Variants in IRAK4 observed in about 807,000 individuals in gnomAD.
The protein encoded by IRAK4 is interleukin 1 receptor associated kinase 4.
Under a neutral mutation model 51.8 loss-of-function variants are expected in IRAK4, and 44 were observed. The ratio of observed to expected loss-of-function variants is 0.85; its 90% CI spans 0.67 to 1.09. The LOEUF (loss-of-function observed/expected upper bound fraction) is 1.09, where lower values mean the gene tolerates loss of function less well. Ranked by LOEUF, IRAK4 falls within the 50% of genes least tolerant of loss-of-function variation. The pLI, the probability that IRAK4 is intolerant of heterozygous loss-of-function variation, is 0.00. For synonymous variants in IRAK4, 149 were observed against 174.1 expected, an observed-to-expected ratio of 0.86 and a Z score of 1.13; for missense variants, 487 against 538.0, an observed-to-expected ratio of 0.91 and a Z score of 0.94.
chr12:43,773,623 G>T (rs1017124165), intron 5 of IRAK4, among the ~76,000 whole-genome samples: 1 of 151,940 alleles, frequency 6.6e-6, no homozygotes, highest in African/African-American at 2.4e-5. Flanking sequence ...CATATATGTT[G>T]CAGGGCTTTT....
chr12:43,781,092 G>A (rs1941740819), intron 8 of IRAK4, among the ~76,000 whole-genome samples: 1 of 152,086 alleles, frequency 6.6e-6, no homozygotes, highest in African/African-American at 2.4e-5. Context: ...TTTCCTTTCT[G>A]ATCCAGTGAA....
chr12:43,776,680 G>T (rs1182931588), intron 6 of IRAK4, among the ~76,000 whole-genome samples: 1 of 152,246 alleles, frequency 6.6e-6, no homozygotes, highest in African/African-American at 2.4e-5. Context: ...TTAACTTGCG[G>T]TAGGTCACAT....
chr12:43,773,553 TTAG>T (rs1462275471), intron 5 of IRAK4, among the ~76,000 whole-genome samples: 1 of 152,202 alleles, frequency 6.6e-6, no homozygotes. Flanking sequence ...AAATCTTTTG[TTAG>T]AGCCTAAAAA....
chr12:43,763,880 C>A (rs561595918), intron 1 of IRAK4, among the ~76,000 whole-genome samples: 3 of 152,316 alleles, frequency 2.0e-5, no homozygotes, highest in African/African-American at 7.2e-5. Context: ...TTTGACCTCT[C>A]TGAGTCTTTT....
Position 43,771,216 on chromosome 12 carries a change from T to G in IRAK4, c.162-4T>G, listed in dbSNP as rs1485364659. The G allele has an allele frequency of 7.4e-6, 12 of 1,613,006 alleles. No homozygotes were observed. Among genetic ancestry groups the G allele is most frequent in the Non-Finnish European group, 1.0e-5 (12 of 1,179,228 alleles). On this transcript the variant is annotated splice_region_variant and splice_polypyrimidine_tract_variant and intron_variant, in intron 2 of 11. Coordinates refer to ENST00000613694, the MANE Select transcript of IRAK4 (RefSeq NM_016123.4). ...ATTTTGTTTCTTTGTTACTTACTTT[T>G]AAGGAGATTTGAAGCATTACTTCAA...
At chr12:43,775,984 C>T (rs1451089874) in intron 6 of IRAK4, among the ~76,000 whole-genome samples, 2 of 149,906 alleles carry the variant, frequency 1.3e-5, no homozygotes, top group Non-Finnish European at 3.0e-5. Context: ...CAGGTTCACG[C>T]CATTCTCCCG....
chr12:43,764,879 C>G (rs1664835924), intron 1 of IRAK4, among the ~76,000 whole-genome samples: 1 of 152,166 alleles, frequency 6.6e-6, no homozygotes, highest in Non-Finnish European at 1.5e-5. Context: ...GCAGATGTTA[C>G]CATTCTTTTT....
At chr12:43,782,168 C>G (rs1157478310) in intron 8 of IRAK4, 139 bp from the exon 9 acceptor site, 11 of 650,472 alleles carry the variant, frequency 1.7e-5, no homozygotes, top group African/African-American at 3.6e-5. Flanking sequence ...AAACGTTACA[C>G]TCTGTAAATA....
rs1213364437 is a variant in IRAK4 at position 43,787,181 on chromosome 12, C to G, written c.*466C>G. 6.4e-6 allele frequency: 1 copy of G among 156,758 alleles called. No homozygotes were observed. The highest frequency in any genetic ancestry group is 1.4e-5 in the Non-Finnish European group (1 of 71,078). The allele number at this position is 156,758 out of a possible 1,614,324, so 9.7% of individuals were successfully genotyped here. The stretch of plus-strand genomic sequence containing the variant: ...AAAATCAAATGATGCAAAATATATA[C>G]AAGCACTTTGTAAATTGTAAAATGA... On this transcript the variant is annotated 3_prime_UTR_variant, in exon 12 of 12. Transcript: ENST00000613694.
intron 5 of IRAK4, 80 bp from the exon 6 acceptor site, chr12:43,773,885 G>C: frequency 2.3e-6 from 2 of 856,306 alleles, no homozygotes; most frequent in Non-Finnish European, 3.9e-6. Context: ...AGGGAGATGA[G>C]CCAGCTGATC....
chr12:43,760,356 T>C (rs1366373591), intron 1 of IRAK4, among the ~76,000 whole-genome samples: 1 of 152,208 alleles, frequency 6.6e-6, no homozygotes, highest in African/African-American at 2.4e-5. Flanking sequence ...CTTTCTTGCT[T>C]CTCTGTCCTT....
At chr12:43,760,531 T>C (rs1388735488) in intron 1 of IRAK4, among the ~76,000 whole-genome samples, 3 of 152,250 alleles carry the variant, frequency 2.0e-5, no homozygotes, top group Non-Finnish European at 4.4e-5. Context: ...TTTACCTTTC[T>C]GACCTCATCT....
rs574694167 is a variant in IRAK4, at chr12:43,762,247, A to G, written c.-10+3231A>G. ...TTTGAACTTCTGGGCACATGTGTGGAGGAGTTGCAGAAGGCCTTCTTTTTC... is the reference window on the plus strand; with the variant it reads ...TTTGAACTTCTGGGCACATGTGTGGGGGAGTTGCAGAAGGCCTTCTTTTTC... On this transcript the variant is annotated intron_variant, in intron 1 of 11. Coordinates refer to ENST00000613694, the MANE Select transcript of IRAK4 (RefSeq NM_016123.4). Among the ~76,000 whole-genome samples the G allele has an allele frequency of 4.6e-5, 7 of 152,278 alleles. No individual in the cohort carries two copies. The East Asian group carries it at 1.4e-3, about 29-fold the overall frequency.
chr12:43,769,148 T>G (rs2137910681), intron 2 of IRAK4, among the ~76,000 whole-genome samples: 1 of 152,298 alleles, frequency 6.6e-6, no homozygotes, highest in East Asian at 1.9e-4. Flanking sequence ...CTTCTCTTTT[T>G]TTTTTCTTTT....
chr12:43,771,729 A>G (rs1392815841), intron 3 of IRAK4, among the ~76,000 whole-genome samples: 2 of 152,196 alleles, frequency 1.3e-5, no homozygotes, highest in Non-Finnish European at 2.9e-5. Context: ...ATTTTAAAAA[A>G]TTGTATTCTG....
chr12:43,786,694 G>A lies in IRAK4; in HGVS notation c.1362G>A (p.Leu454=). The stretch of plus-strand genomic sequence containing the variant: ...CTTTTTAAAAGGTTCAACAGCTGCT[G>A]CAAGAGATGACAGCTTCTTAAAACT... The part of the protein sequence containing the change: ...RPDIKKVQQL[L]QEMTAS Residue 454 remains leucine, a synonymous_variant, in exon 12 of 12, where the codon CTG becomes CTA. Coordinates refer to ENST00000613694, the MANE Select transcript of IRAK4 (RefSeq NM_016123.4). The A allele has an allele frequency of 6.2e-7, 1 of 1,613,586 alleles. No homozygotes were observed. The highest frequency in any genetic ancestry group is 1.1e-5 in the South Asian group (1 of 91,064).
intron 1 of IRAK4, among the ~76,000 whole-genome samples, chr12:43,766,780 G>A (rs911018668): frequency 1.3e-5 from 2 of 152,208 alleles, no homozygotes; most frequent in Admixed American, 1.3e-4. Context: ...AGTAAATACT[G>A]AACAATACCA....
chr12:43,772,871 A>G (rs1335622596), intron 4 of IRAK4, 41 bp from the exon 5 acceptor site: 1 of 1,433,142 alleles, frequency 7.0e-7, no homozygotes, highest in Non-Finnish European at 9.6e-7. Flanking sequence ...TATTAAAACG[A>G]ATTTTTAAAA....
intron 1 of IRAK4, among the ~76,000 whole-genome samples, chr12:43,760,641 A>C (rs4251430): frequency 6.6e-6 from 1 of 152,180 alleles, no homozygotes; most frequent in Non-Finnish European, 1.5e-5. Flanking sequence ...TTTGTCCACA[A>C]ACTTTTCCCA....
Sources: gnomAD v4.1 joint callset for allele counts (sites outside exome capture counted in the v4.1 genomes callset) on GRCh38, gnomAD v4.1.1 for gene constraint, MANE v1.5 for transcripts, NCBI Gene and HGNC (gene_info 2026-07-23, HGNC 2026-07-21) for gene names.